The following MAX variants were observed in gnomAD, a reference collection of about 807,000 sequenced individuals.
The protein encoded by MAX is MYC associated transcriptional regulator X.
In MAX, 3 loss-of-function variants were observed where a neutral mutation model predicts 22.3. The ratio of observed to expected loss-of-function variants is 0.13; its 90% CI spans 0.06 to 0.35. The LOEUF (loss-of-function observed/expected upper bound fraction) is 0.35, where lower values mean the gene tolerates loss of function less well. Among genes scored for constraint, MAX ranks in the 10% least tolerant of loss-of-function variants. The pLI is 1.00. For missense variants in MAX, 119 were observed against 209.4 expected (o/e 0.57, Z 2.66); for synonymous variants, 72 against 77.7 (o/e 0.93, Z 0.39).
Position 65,044,392 on chromosome 14 carries a change from T to C in MAX, c.172-38108A>G. The C allele has an allele frequency of 6.2e-7, 1 of 1,613,130 alleles. No homozygotes were observed. Among genetic ancestry groups the C allele is most frequent in the Non-Finnish European group, 8.5e-7 (1 of 1,179,668 alleles). ...CAAGCTGGTGGATGGCTGCTACTCC[T>C]TCTGGCAGGCGGGGCTCCTGCCCCT... On this transcript the variant is annotated intron_variant, in intron 3 of 3. Coordinates refer to the MAX transcript ENST00000341653. The surrounding 1 kb of genome is among the most constrained non-coding windows in gnomAD (Gnocchi z 5.5).
At position 65,078,533 on chromosome 14, in the gene MAX, GTTT is replaced by G. The variant is rs1157935028; in HGVS notation, c.172-500_172-498del. Among the ~76,000 whole-genome samples, 5 of 136,204 alleles carry G rather than the reference GTTT, an allele frequency of 3.7e-5. No homozygotes were observed. The highest frequency in any genetic ancestry group is 1.3e-4 in the African/African-American group (5 of 37,586). The allele number at this position is 136,204 out of a possible 152,430, so 89.4% of individuals were successfully genotyped here. On this transcript the variant is annotated intron_variant, in intron 3 of 4. Transcript: ENST00000358664. This position sits in a 1 kb window ranked among gnomAD's most constrained non-coding sequence, Gnocchi z 6.4. The stretch of plus-strand genomic sequence containing the variant: ...GCCTGTTGTTGTTGTTGTTGTTGTT[GTTT>G]TTTTTTTTTTGGAGACGTAGTCTCG...
In MAX at chr14:65,052,908, C is replaced by T. The variant is rs115368585; in HGVS notation, c.171+40800G>A. On this transcript the variant is annotated intron_variant, in intron 3 of 3. Transcript: ENST00000341653. ...TATGGACCAAGTTGGGAGCAGCTACCGAGGTCAGTCTGGGAAGGTAAGCTA... is the reference window on the plus strand; with the variant it reads ...TATGGACCAAGTTGGGAGCAGCTACTGAGGTCAGTCTGGGAAGGTAAGCTA... Among the ~76,000 whole-genome samples, 690 of 152,168 alleles carry T rather than the reference C, an allele frequency of 4.5e-3. 8 individuals carry two copies. The highest frequency in any genetic ancestry group is 0.014 in the African/African-American group (602 of 41,522).
rs903134461 is a variant in MAX, at chr14:65,031,858, T to C, written c.172-25574A>G. ...ATTGCTTGAACCCAGGAGGCGGAGG[T>C]TGCAGTGAGCTGAGATCATACCACT... On this transcript the variant is annotated intron_variant, in intron 3 of 3. Transcript: ENST00000341653. The surrounding 1 kb of genome is among the most constrained non-coding windows in gnomAD (Gnocchi z 4.6). Among the ~76,000 whole-genome samples the C allele has an allele frequency of 7.2e-5, 11 of 151,916 alleles. No individual in the cohort carries two copies. The highest frequency in any genetic ancestry group is 3.3e-4 in the Admixed American group (5 of 15,244).
In MAX at chr14:65,102,232, G is replaced by A. The variant is rs910052022; in HGVS notation, c.36+72C>T. The A allele has an allele frequency of 3.8e-6, 6 of 1,599,514 alleles. No homozygotes were observed. The African/African-American group carries it at 8.1e-5, about 22-fold the overall frequency. On this transcript the variant is annotated intron_variant, in intron 1 of 4. Transcript: ENST00000358664. ...GGCAGCCCGGCCCCCTCCCGCCGTC[G>A]CCCCGCTAAGAGCCCCGGCCGCTGT...
chr14:65,053,081 C>T, intron 3 of MAX: 1 of 454,520 alleles, frequency 2.2e-6, no homozygotes. Flanking sequence ...ACATGCTGTG[C>T]GTAGGACATG....
rs906442932 is a variant in MAX, at chr14:65,023,759, G to A, written c.172-17475C>T. Among the ~76,000 whole-genome samples the A allele has an allele frequency of 2.6e-5, 4 of 152,220 alleles. No individual in the cohort carries two copies. Among genetic ancestry groups the A allele is most frequent in the Admixed American group, 2.0e-4 (3 of 15,288 alleles). ...GATGTATCTCATTGCTACTCAAAATGTGGTCCCCAGACCAGGAGCATTGCT... is the reference window on the plus strand; with the variant it reads ...GATGTATCTCATTGCTACTCAAAATATGGTCCCCAGACCAGGAGCATTGCT... On this transcript the variant is annotated intron_variant, in intron 3 of 3. Transcript: ENST00000341653. This position sits in a 1 kb window ranked among gnomAD's most constrained non-coding sequence, Gnocchi z 4.1.
chr14:65,037,721 A>G (rs1209456053), intron 3 of MAX, among the ~76,000 whole-genome samples: 2 of 142,728 alleles, frequency 1.4e-5, no homozygotes, highest in African/African-American at 5.1e-5. Flanking sequence ...CACCATGCCC[A>G]GCCTCTTATT....
At chr14:65,033,075 A>T (rs1232699630) in intron 3 of MAX, among the ~76,000 whole-genome samples, 7 of 152,250 alleles carry the variant, frequency 4.6e-5, no homozygotes, top group African/African-American at 1.7e-4. Context: ...GGACTTGTTT[A>T]TAAGAGCCAA....
In MAX at chr14:65,084,042, G is replaced by A; in HGVS notation, c.172-6006C>T. The A allele has an allele frequency of 6.3e-7, 1 of 1,589,368 alleles. No individual in the cohort carries two copies. The highest frequency in any genetic ancestry group is 8.6e-7 in the Non-Finnish European group (1 of 1,165,790). On this transcript the variant is annotated intron_variant, in intron 3 of 4. Coordinates refer to ENST00000358664, the MANE Select transcript of MAX (RefSeq NM_002382.5). The surrounding 1 kb of genome is among the most constrained non-coding windows in gnomAD (Gnocchi z 4.3). The stretch of plus-strand genomic sequence containing the variant: ...CAGCACAGACCCATGGCTCCTTGAA[G>A]GCTTCCTGCTGCCAGGGCCTCCCCA...
At chr14:65,055,922 C>A (rs1316103531) in intron 3 of MAX, among the ~76,000 whole-genome samples, 1 of 152,166 alleles carries the variant, frequency 6.6e-6, no homozygotes, top group Non-Finnish European at 1.5e-5. Flanking sequence ...AGAAAAACCA[C>A]CACCCAGCTT....
At chr14:65,019,313 C>G (rs756842294) in intron 3 of MAX, among the ~76,000 whole-genome samples, 14 of 151,974 alleles carry the variant, frequency 9.2e-5, no homozygotes, top group Non-Finnish European at 2.1e-4. Context: ...ATGGTGAAAC[C>G]CTGTCTCTAC....
chr14:65,022,474 A>T (rs772529597), intron 3 of MAX, among the ~76,000 whole-genome samples: 1 of 152,036 alleles, frequency 6.6e-6, no homozygotes, highest in African/African-American at 2.4e-5. Context: ...TCCTTTGTAT[A>T]TTTGAGGTAT....
rs549745732 is a variant in MAX, at chr14:65,023,586, A to G, written c.172-17302T>C. Among the ~76,000 whole-genome samples the G allele has an allele frequency of 2.6e-5, 4 of 152,352 alleles. No individual in the cohort carries two copies. Among genetic ancestry groups the G allele is most frequent in the African/African-American group, 9.6e-5 (4 of 41,578 alleles). On this transcript the variant is annotated intron_variant, in intron 3 of 3. Coordinates refer to the MAX transcript ENST00000341653. The surrounding 1 kb of genome is among the most constrained non-coding windows in gnomAD (Gnocchi z 4.1). ...TGTCTATAGGTGTCTATAAACATCT[A>G]TACGTGTTCTATATTGGCCACTAGC...
At chr14:65,070,136 T>G (rs1178718460), downstream of MAX, among the ~76,000 whole-genome samples, 1 of 152,224 alleles carries the variant, frequency 6.6e-6, no homozygotes, top group Non-Finnish European at 1.5e-5. This position sits in a 1 kb window ranked among gnomAD's most constrained non-coding sequence, Gnocchi z 4.4. Flanking sequence ...ATTGGGTTAT[T>G]TTTTGAATCA....
rs1225361847 is a variant in MAX at position 65,007,614 on chromosome 14, T to C, written c.172-1330A>G. Reference sequence around the variant, plus strand: ...TTCTCTAAGGTTGGGACTGTCTACCTGGAGTGAGGTAGTCAGTCCCAAGGA... The same window carrying C: ...TTCTCTAAGGTTGGGACTGTCTACCCGGAGTGAGGTAGTCAGTCCCAAGGA... On this transcript the variant is annotated intron_variant, in intron 3 of 3. Transcript: ENST00000341653. The surrounding 1 kb of genome is among the most constrained non-coding windows in gnomAD (Gnocchi z 4.9). 2.0e-5 allele frequency among the ~76,000 whole-genome samples: 3 copies of C among 152,242 alleles called. No homozygotes were observed. The highest frequency in any genetic ancestry group is 4.8e-5 in the African/African-American group (2 of 41,466).
chr14:65,033,487 T>A (rs2062125729), intron 3 of MAX, among the ~76,000 whole-genome samples: 4 of 152,254 alleles, frequency 2.6e-5, no homozygotes, highest in Admixed American at 2.0e-4. Flanking sequence ...TGGCTAATTC[T>A]AAGCTAGGTC....
intron 3 of MAX, among the ~76,000 whole-genome samples, chr14:65,055,993 T>C (rs531018494): frequency 6.6e-6 from 1 of 152,310 alleles, no homozygotes; most frequent in South Asian, 2.1e-4. Context: ...CAGTTTTTTT[T>C]CCTCCCTCCT....
intron 3 of MAX, among the ~76,000 whole-genome samples, chr14:65,033,481 T>C (rs978867199): frequency 3.2e-4 from 49 of 152,246 alleles, no homozygotes; most frequent in African/African-American, 1.1e-3. Context: ...TGTATATGGC[T>C]AATTCTAAGC....
chr14:65,087,015 A>G (rs984732225), intron 3 of MAX, among the ~76,000 whole-genome samples: 32 of 152,346 alleles, frequency 2.1e-4, no homozygotes, highest in East Asian at 1.7e-3. Flanking sequence ...AAAGGGCCCA[A>G]TGCAGAGCTC....
Sources: allele counts gnomAD v4.1 joint callset (sites outside exome capture counted in the v4.1 genomes callset), GRCh38; gene constraint gnomAD v4.1.1; non-coding constraint Gnocchi (gnomAD v3.1); transcripts MANE v1.5; gene names NCBI Gene and HGNC (gene_info 2026-07-23, HGNC 2026-07-21).